EPM2A: variants seen among roughly 807,000 people sequenced by gnomAD.
EPM2A encodes EPM2A glucan phosphatase, laforin, also known as laforin.
In EPM2A, 21 loss-of-function variants were observed where a neutral mutation model predicts 26.5. The ratio of observed to expected loss-of-function variants is 0.79; its 90% CI spans 0.56 to 1.14. The LOEUF (loss-of-function observed/expected upper bound fraction) is 1.14, where lower values mean the gene tolerates loss of function less well. Ranked by LOEUF, EPM2A falls within the 50% of genes most tolerant of loss-of-function variation. EPM2A has a pLI of 0.00. For missense variants in EPM2A, 458 were observed against 440.8 expected (o/e 1.04, Z -0.35); for synonymous variants, 217 against 177.6 (o/e 1.22, Z -1.76).
chr6:145,465,322 A>C (rs2114720078), intron 4 of EPM2A, among the ~76,000 whole-genome samples: 1 of 149,756 alleles, frequency 6.7e-6, no homozygotes, highest in Non-Finnish European at 1.5e-5. Context: ...CAGCTCCATC[A>C]GCTCCTTTAA....
intron 2 of EPM2A, among the ~76,000 whole-genome samples, chr6:145,610,439 C>T (rs6925420): frequency 0.075 from 11,347 of 152,232 alleles, 1,418 homozygotes; most frequent in African/African-American, 0.25. Flanking sequence ...CTTATTTATA[C>T]AGCAATCCTT....
chr6:145,706,537 G>A (rs914605996), intron 1 of EPM2A, among the ~76,000 whole-genome samples: 2 of 152,098 alleles, frequency 1.3e-5, no homozygotes, highest in Non-Finnish European at 2.9e-5. Context: ...AAGCTCTAAC[G>A]AAAGCCTTTA....
At chr6:145,533,165 A>G (rs980251469) in intron 2 of EPM2A, among the ~76,000 whole-genome samples, 3 of 152,176 alleles carry the variant, frequency 2.0e-5, no homozygotes, top group Non-Finnish European at 2.9e-5. Context: ...TGTCTTGGAA[A>G]AGACTATCAG....
chr6:145,620,835 A>C (rs573211702), downstream of EPM2A, among the ~76,000 whole-genome samples: 1 of 152,342 alleles, frequency 6.6e-6, no homozygotes, highest in South Asian at 2.1e-4. Flanking sequence ...TTGAGGTATA[A>C]CTGTCAAATA....
rs1257365951 is a variant in EPM2A, at chr6:145,649,876, G to A, written c.477-14390C>T. Among the ~76,000 whole-genome samples the A allele has an allele frequency of 2.0e-5, 3 of 152,118 alleles. No homozygotes were observed. The East Asian group carries it at 5.8e-4, about 29-fold the overall frequency. On this transcript the variant is annotated intron_variant, in intron 2 of 3. Coordinates refer to ENST00000367519, the MANE Select transcript of EPM2A (RefSeq NM_005670.4). ...TTATAGAAAATGTTTGCTGATCCCT[G>A]CCTTAGATGTATAATGTGTCGGGAA...
downstream of EPM2A, among the ~76,000 whole-genome samples, chr6:145,497,860 T>G (rs1471980659): frequency 6.6e-6 from 1 of 152,250 alleles, no homozygotes; most frequent in Non-Finnish European, 1.5e-5. Context: ...GGGTATTGCT[T>G]CTGCCCCAGT....
chr6:145,690,277 G>A (rs373210827), intron 1 of EPM2A, among the ~76,000 whole-genome samples: 116 of 152,116 alleles, frequency 7.6e-4, no homozygotes, highest in African/African-American at 2.5e-3. Flanking sequence ...TTGGGAGGCC[G>A]AGGCGGGTGG....
intron 2 of EPM2A, among the ~76,000 whole-genome samples, chr6:145,681,503 T>C (rs1190898882): frequency 2.0e-5 from 3 of 149,864 alleles, no homozygotes; most frequent in African/African-American, 7.4e-5. Context: ...CTAGGTTTTC[T>C]TCTAGGGTTT....
chr6:145,462,882 A>G (rs1779343751), intron 4 of EPM2A, among the ~76,000 whole-genome samples: 1 of 152,192 alleles, frequency 6.6e-6, no homozygotes, highest in Admixed American at 6.5e-5. Context: ...AAATGTACGT[A>G]GTATGGCAAA....
chr6:145,459,078 T>A (rs2114715080), intron 4 of EPM2A, among the ~76,000 whole-genome samples: 1 of 152,146 alleles, frequency 6.6e-6, no homozygotes, highest in Admixed American at 6.6e-5. Context: ...CACCACTTAT[T>A]AAAATGGTAA....
intron 4 of EPM2A, among the ~76,000 whole-genome samples, chr6:145,406,438 T>A (rs1250468243): frequency 1.3e-5 from 2 of 152,180 alleles, no homozygotes; most frequent in African/African-American, 4.8e-5. Flanking sequence ...CCATTGTAAT[T>A]TAATTTCCAC....
chr6:145,505,261 A>T (rs894350443), intron 2 of EPM2A, among the ~76,000 whole-genome samples: 106 of 150,188 alleles, frequency 7.1e-4, no homozygotes, highest in Non-Finnish European at 1.2e-3. Flanking sequence ...AAAAAAATTT[A>T]TTTTGAAATA....
chr6:145,561,328 T>C (rs1661341711), intron 2 of EPM2A, among the ~76,000 whole-genome samples: 1 of 152,158 alleles, frequency 6.6e-6, no homozygotes, highest in East Asian at 1.9e-4. Flanking sequence ...GTATACTCTA[T>C]GATGTTTACA....
At position 145,522,111 on chromosome 6, in the gene EPM2A, C is replaced by G. The variant is rs552588352; in HGVS notation, c.341-19536G>C. ...GGGACTACAGGCACCCATCACCACG[C>G]CCAGCCATTTTTTTGTATTTTTAGA... is the stretch of plus-strand genomic sequence containing the variant. On this transcript the variant is annotated intron_variant, in intron 2 of 3. Transcript: ENST00000450221. Among the ~76,000 whole-genome samples the G allele has an allele frequency of 2.6e-5, 4 of 152,226 alleles. No individual in the cohort carries two copies. The East Asian group carries it at 7.7e-4, about 29-fold the overall frequency.
At chr6:145,431,016 G>A (rs1349053012) in intron 4 of EPM2A, among the ~76,000 whole-genome samples, 1 of 152,056 alleles carries the variant, frequency 6.6e-6, no homozygotes, top group Non-Finnish European at 1.5e-5. Context: ...AAAAAATAGA[G>A]CTTCTGGTTT....
intron 3 of EPM2A, among the ~76,000 whole-genome samples, chr6:145,634,335 T>C (rs544659517): frequency 1.9e-4 from 29 of 152,294 alleles, no homozygotes; most frequent in African/African-American, 6.3e-4. Flanking sequence ...TTCTGTGCCA[T>C]AGCCTGTGCT....
intron 4 of EPM2A, among the ~76,000 whole-genome samples, chr6:145,404,994 C>T (rs1429071341): frequency 2.6e-5 from 4 of 152,074 alleles, no homozygotes; most frequent in African/African-American, 9.7e-5. Context: ...ATGATTTTCA[C>T]AGGAAAGTAA....
At chr6:145,439,527 A>G (rs577394731) in intron 4 of EPM2A, among the ~76,000 whole-genome samples, 2 of 152,310 alleles carry the variant, frequency 1.3e-5, no homozygotes, top group South Asian at 4.1e-4. Context: ...GTGAGATGGT[A>G]TCTCATCATG....
downstream of EPM2A, among the ~76,000 whole-genome samples, chr6:145,624,442 C>T (rs1775703984): frequency 6.6e-6 from 1 of 152,192 alleles, no homozygotes; most frequent in Admixed American, 6.5e-5. Flanking sequence ...TACCCACTAA[C>T]AATACTGTCT....
Sources: gnomAD v4.1 joint callset for allele counts (sites outside exome capture counted in the v4.1 genomes callset) on GRCh38, gnomAD v4.1.1 for gene constraint, MANE v1.5 for transcripts, NCBI Gene and HGNC (gene_info 2026-07-23, HGNC 2026-07-21) for gene names.